Variants in TMTC1 observed in about 807,000 individuals in gnomAD.
TMTC1 encodes the protein protein O-mannosyl-transferase TMTC1.
TMTC1 carries 73 observed loss-of-function variants against 104.8 expected under a neutral mutation model. That is an observed-to-expected ratio of 0.70 (90% confidence interval 0.58 to 0.85). The LOEUF is 0.85. TMTC1 is among the 40% of genes least tolerant of loss of function. TMTC1 has a pLI of 0.00. For missense variants in TMTC1, 1,035 were observed against 1,096.1 expected, an observed-to-expected ratio of 0.94 and a Z score of 0.79; for synonymous variants, 434 against 428.7, an observed-to-expected ratio of 1.01 and a Z score of -0.15.
intron 6 of TMTC1, among the ~76,000 whole-genome samples, chr12:29,614,163 T>A (rs1591807701): frequency 6.6e-6 from 1 of 152,318 alleles, no homozygotes; most frequent in South Asian, 2.1e-4. Flanking sequence ...GTAGTAACTC[T>A]TAAGAGGTAA....
chr12:29,763,098 C>A (rs1943389151), intron 2 of TMTC1, among the ~76,000 whole-genome samples: 1 of 152,216 alleles, frequency 6.6e-6, no homozygotes, highest in Admixed American at 6.5e-5. Context: ...CAATCACAAG[C>A]TAGACAAGCT....
intron 5 of TMTC1, among the ~76,000 whole-genome samples, chr12:29,694,089 C>T (rs975594960): frequency 6.6e-6 from 1 of 152,160 alleles, no homozygotes; most frequent in African/African-American, 2.4e-5. Flanking sequence ...CAGAAAAAGG[C>T]TGGCATTCTT....
intron 5 of TMTC1, among the ~76,000 whole-genome samples, chr12:29,637,180 T>C (rs1938604096): frequency 6.6e-6 from 1 of 151,748 alleles, no homozygotes; most frequent in Non-Finnish European, 1.5e-5. Context: ...CTTCAAAAGC[T>C]AATTACACTG....
intron 17 of TMTC1, among the ~76,000 whole-genome samples, chr12:29,508,976 CTG>C (rs1307482254): frequency 1.3e-5 from 2 of 152,160 alleles, no homozygotes; most frequent in African/African-American, 4.8e-5. Flanking sequence ...GTTTCCAGAA[CTG>C]TGTTCACTTG....
intron 8 of TMTC1, among the ~76,000 whole-genome samples, chr12:29,575,666 T>TA (rs539751642): frequency 9.9e-4 from 150 of 152,234 alleles, no homozygotes; most frequent in African/African-American, 3.5e-3. Flanking sequence ...ACCCCACACT[T>TA]ACAGCTGCTT....
chr12:29,629,875 A>G (rs1048350801), intron 6 of TMTC1, among the ~76,000 whole-genome samples: 3 of 152,138 alleles, frequency 2.0e-5, no homozygotes, highest in Admixed American at 6.5e-5. Context: ...AATTTTTTTC[A>G]TTCAATTTTC....
chr12:29,652,665 T>C (rs75750178), intron 5 of TMTC1, among the ~76,000 whole-genome samples: 7,335 of 152,206 alleles, frequency 0.048, 206 homozygotes, highest in Admixed American at 0.068. Flanking sequence ...CTGCCAAAGA[T>C]ACAAAGAAAG....
At chr12:29,759,037 C>T (rs1193858280) in intron 2 of TMTC1, among the ~76,000 whole-genome samples, 1 of 152,080 alleles carries the variant, frequency 6.6e-6, no homozygotes, top group Non-Finnish European at 1.5e-5. Flanking sequence ...GCTCTCAGAG[C>T]GTCAATTCAC....
At chr12:29,646,838 A>T (rs1939289133) in intron 5 of TMTC1, among the ~76,000 whole-genome samples, 1 of 152,138 alleles carries the variant, frequency 6.6e-6, no homozygotes. Context: ...TGGCTCCCCA[A>T]TTCATTAGGC....
At chr12:29,676,762 G>A (rs1201563996) in intron 5 of TMTC1, among the ~76,000 whole-genome samples, 1 of 152,196 alleles carries the variant, frequency 6.6e-6, no homozygotes, top group Non-Finnish European at 1.5e-5. Flanking sequence ...AGCACTCTAT[G>A]AGAAACTGAT....
At chr12:29,550,697 C>T (rs990438822) in intron 10 of TMTC1, among the ~76,000 whole-genome samples, 4 of 152,020 alleles carry the variant, frequency 2.6e-5, no homozygotes, top group Non-Finnish European at 2.9e-5. Flanking sequence ...CCTGAAGGGA[C>T]AGAAGCACAG....
Position 29,517,416 on chromosome 12 carries a change from A to G in TMTC1, c.2169+11T>C, listed in dbSNP as rs766876553. On this transcript the variant is annotated intron_variant, in intron 14 of 17. Transcript: ENST00000539277. ...TAGGTTGCCAGCTTCATTTTCTTTC[A>G]TCCTACTCACCAGTGCCAAGCGGAG... is the stretch of plus-strand genomic sequence containing the variant. 2 of 1,613,568 alleles carry G rather than the reference A, an allele frequency of 1.2e-6. No homozygotes were observed. Among genetic ancestry groups the G allele is most frequent in the African/African-American group, 1.3e-5 (1 of 74,816 alleles).
intron 9 of TMTC1, among the ~76,000 whole-genome samples, chr12:29,565,428 A>G (rs749482040): frequency 1.3e-5 from 2 of 152,192 alleles, no homozygotes; most frequent in Non-Finnish European, 2.9e-5. Flanking sequence ...CCCCTTGCCA[A>G]TCTAGCACTC....
Position 29,602,752 on chromosome 12 carries a change from G to A in TMTC1, c.1250+1426C>T, listed in dbSNP as rs112502665. Among the ~76,000 whole-genome samples, 742 of 152,150 alleles carry A rather than the reference G, an allele frequency of 4.9e-3. 6 individuals are homozygous for A. Among genetic ancestry groups the A allele is most frequent in the African/African-American group, 0.017 (704 of 41,494 alleles). On this transcript the variant is annotated intron_variant, in intron 7 of 17. Transcript: ENST00000539277. ...TATAAAATATTAGGACCTATTAAAC[G>A]CTTAATATGAGAGATTCCATTTTGT... is the stretch of plus-strand genomic sequence containing the variant.
intron 8 of TMTC1, among the ~76,000 whole-genome samples, chr12:29,576,543 C>T (rs1241428910): frequency 6.6e-6 from 1 of 152,142 alleles, no homozygotes; most frequent in Non-Finnish European, 1.5e-5. Context: ...AAAAATACTG[C>T]ATGATCTTAC....
chr12:29,636,174 A>T (rs1938538640), intron 5 of TMTC1, among the ~76,000 whole-genome samples: 1 of 152,240 alleles, frequency 6.6e-6, no homozygotes, highest in South Asian at 2.1e-4. Context: ...AGGGAAAGAA[A>T]GTAGGTGGGA....
chr12:29,605,838 A>C (rs1946683504), intron 6 of TMTC1, among the ~76,000 whole-genome samples: 1 of 152,056 alleles, frequency 6.6e-6, no homozygotes, highest in African/African-American at 2.4e-5. Context: ...CCCAATAGCA[A>C]GTTTTTCAGC....
intron 11 of TMTC1, chr12:29,535,269 T>C (rs299453): frequency 0.54 from 82,115 of 152,130 alleles, 25,049 homozygotes; most frequent in Non-Finnish European, 0.67. Flanking sequence ...GCTCACACTT[T>C]ATACTAAAGC....
At chr12:29,624,164 A>G (rs1337348029) in intron 6 of TMTC1, among the ~76,000 whole-genome samples, 4 of 151,968 alleles carry the variant, frequency 2.6e-5, no homozygotes, top group Admixed American at 2.6e-4. Context: ...ATTTTTAGTA[A>G]AGACAGGGTT....
Sources: gnomAD v4.1 joint callset for allele counts (sites outside exome capture counted in the v4.1 genomes callset) on GRCh38, gnomAD v4.1.1 for gene constraint, MANE v1.5 for transcripts, NCBI Gene and HGNC (gene_info 2026-07-23, HGNC 2026-07-21) for gene names.